Variants in SLMAP observed in about 807,000 individuals in gnomAD.
The protein encoded by SLMAP is sarcolemmal membrane-associated protein.
Under a neutral mutation model 128.8 loss-of-function variants are expected in SLMAP, and 44 were observed. The observed-to-expected ratio is 0.34, with a 90% CI of 0.27 to 0.44. SLMAP has a LOEUF of 0.44. SLMAP is among the 20% of genes least tolerant of loss of function. The probability of loss-of-function intolerance (pLI) is 1.00; values close to 1 mark genes in which losing one functional copy is unlikely to be tolerated. For missense variants in SLMAP, 787 were observed against 985.3 expected (o/e 0.80, Z 2.69); for synonymous variants, 327 against 348.8 (o/e 0.94, Z 0.70).
chr3:57,831,402 A>G lies in SLMAP; in HGVS notation c.218A>G (p.Lys73Arg). The G allele has an allele frequency of 6.4e-7, 1 of 1,553,056 alleles. No homozygotes were observed. The highest frequency in any genetic ancestry group is 8.7e-7 in the Non-Finnish European group (1 of 1,149,240). ...TTGCAGTTTTATCTTCAAGACACTAAAAGTAGTAATGGTACTTTTATAAAT... is the reference window on the plus strand; with the variant it reads ...TTGCAGTTTTATCTTCAAGACACTAGAAGTAGTAATGGTACTTTTATAAAT... Reference protein sequence around the residue: ...KTGKFYLQDTKSSNGTFINSQ... With the variant: ...KTGKFYLQDTRSSNGTFINSQ... Residue 73 changes from lysine (K) to arginine (R), a missense_variant, in exon 3 of 25, where the codon AAA becomes AGA. Transcript: ENST00000671191.
At chr3:57,867,736 A>T (rs1298943596) in intron 13 of SLMAP, among the ~76,000 whole-genome samples, 1 of 152,198 alleles carries the variant, frequency 6.6e-6, no homozygotes, top group East Asian at 1.9e-4. Flanking sequence ...TATAATTTTA[A>T]CTAAATTATT....
Position 57,757,249 on chromosome 3 carries a change from G to A in SLMAP, c.-403G>A. 1 of 282,336 alleles carries A rather than the reference G, an allele frequency of 3.5e-6. No individual in the cohort carries two copies. The highest frequency in any genetic ancestry group is 6.9e-6 in the Non-Finnish European group (1 of 145,086). The allele number at this position is 282,336 out of a possible 1,614,324, so 17.5% of individuals were successfully genotyped here. On this transcript the variant is annotated 5_prime_UTR_variant, in exon 2 of 25. Coordinates refer to ENST00000671191, the MANE Select transcript of SLMAP (RefSeq NM_001377540.1). ...GCTGCAACGTTTCCGCCACCAAGGG[G>A]GAAAAGCGGCCGCGATCTCAAACCA...
intron 21 of SLMAP, 122 bp from the exon 22 acceptor site, chr3:57,916,784 T>A: frequency 1.4e-6 from 1 of 726,740 alleles, no homozygotes; most frequent in Non-Finnish European, 2.2e-6. Context: ...TTCTTTTTTA[T>A]ACTTTTCTTT....
chr3:57,756,393 C>T (rs934619063), intron 1 of SLMAP, 51 bp downstream of exon 1: 4 of 152,834 alleles, frequency 2.6e-5, no homozygotes, highest in Admixed American at 1.3e-4. Context: ...GTCGTGGCGT[C>T]CTGGCTCCAA....
chr3:57,868,917 T>C (rs1241480902), intron 13 of SLMAP, among the ~76,000 whole-genome samples: 2 of 136,488 alleles, frequency 1.5e-5, no homozygotes, highest in East Asian at 3.9e-4. Flanking sequence ...GTGTGTATTA[T>C]ATATAATATA....
intron 2 of SLMAP, among the ~76,000 whole-genome samples, chr3:57,770,237 A>C (rs932218620): frequency 6.6e-6 from 1 of 152,232 alleles, no homozygotes; most frequent in African/African-American, 2.4e-5. Context: ...CAATAGTAGC[A>C]TCTGTGAATC....
intron 2 of SLMAP, among the ~76,000 whole-genome samples, chr3:57,798,194 TTTGTC>T (rs2087242733): frequency 2.0e-5 from 3 of 152,208 alleles, no homozygotes; most frequent in Non-Finnish European, 4.4e-5. Context: ...GTTTCTTAAA[TTTGTC>T]TGTCATTTGA....
chr3:57,896,081 T>G (rs2096239841), intron 15 of SLMAP, among the ~76,000 whole-genome samples: 1 of 152,188 alleles, frequency 6.6e-6, no homozygotes, highest in Non-Finnish European at 1.5e-5. Flanking sequence ...GTTTTATTAT[T>G]TGAGTACAAA....
intron 14 of SLMAP, among the ~76,000 whole-genome samples, chr3:57,886,645 A>G (rs2095896592): frequency 1.3e-5 from 2 of 151,132 alleles, no homozygotes; most frequent in Admixed American, 6.6e-5. Context: ...GATCTAATAT[A>G]TTAATAATGA....
chr3:57,828,274 A>T (rs2093068688), intron 2 of SLMAP, among the ~76,000 whole-genome samples: 1 of 152,184 alleles, frequency 6.6e-6, no homozygotes, highest in African/African-American at 2.4e-5. Flanking sequence ...TAACATTTTT[A>T]TACCTTAGAA....
At chr3:57,857,962 A>AT (rs1415251165) in intron 7 of SLMAP, 126 bp from the exon 8 acceptor site, 1 of 925,210 alleles carries the variant, frequency 1.1e-6, no homozygotes, top group Non-Finnish European at 1.7e-6. Context: ...AAGATTTAGC[A>AT]TTTTACAGTG....
At chr3:57,793,471 G>C (rs2085974057) in intron 2 of SLMAP, among the ~76,000 whole-genome samples, 1 of 152,166 alleles carries the variant, frequency 6.6e-6, no homozygotes, top group African/African-American at 2.4e-5. Context: ...GTATGGAGCT[G>C]ACATTCTAGT....
intron 2 of SLMAP, among the ~76,000 whole-genome samples, chr3:57,779,455 A>G (rs532501830): frequency 6.7e-6 from 1 of 149,818 alleles, no homozygotes; most frequent in African/African-American, 2.4e-5. Flanking sequence ...GCTGCAGTGA[A>G]TTGAGATCGC....
chr3:57,902,251 T>A (rs780347744), intron 17 of SLMAP: 3 of 152,180 alleles, frequency 2.0e-5, no homozygotes, highest in Admixed American at 6.5e-5. Context: ...ATTTTAGAGT[T>A]TTTTTATATT....
At chr3:57,907,779 T>C (rs1441285260) in intron 17 of SLMAP, 105 bp from the exon 18 acceptor site, 20 of 1,055,806 alleles carry the variant, frequency 1.9e-5, no homozygotes, top group Non-Finnish European at 2.7e-5. Context: ...TCAGTTGTTC[T>C]ATGTTGTTTA....
Position 57,917,038 on chromosome 3 carries a change from C to T in SLMAP, c.2271C>T (p.Leu757=), listed in dbSNP as rs746181949. ...ATTCAGCTGATTTAAAAACTCTTCTCAGTAAGGCAGAAAACCAAGCAAAGG... is the reference window on the plus strand; with the variant it reads ...ATTCAGCTGATTTAAAAACTCTTCTTAGTAAGGCAGAAAACCAAGCAAAGG... ...LRDSADLKTL[L]SKAENQAKDV... is the part of the protein sequence containing the mutation. Residue 757 remains leucine (L), a synonymous_variant, in exon 22 of 25, where the codon CTC becomes CTT. Coordinates refer to ENST00000671191, the MANE Select transcript of SLMAP (RefSeq NM_001377540.1). 5.0e-6 allele frequency: 8 copies of T among 1,613,882 alleles called. No individual in the cohort carries two copies. The highest frequency in any genetic ancestry group is 1.7e-4 in the Middle Eastern group (1 of 6,056).
intron 6 of SLMAP, among the ~76,000 whole-genome samples, chr3:57,852,015 A>G (rs187786542): frequency 6.1e-4 from 93 of 151,694 alleles, no homozygotes; most frequent in African/African-American, 2.1e-3. Flanking sequence ...GGTTCAAGCG[A>G]TTCTCCTGCC....
chr3:57,886,208 A>G (rs2095883073), intron 14 of SLMAP, among the ~76,000 whole-genome samples: 1 of 151,376 alleles, frequency 6.6e-6, no homozygotes, highest in Non-Finnish European at 1.5e-5. Flanking sequence ...GGTTGAAGCA[A>G]TTCTCCTGCC....
intron 2 of SLMAP, among the ~76,000 whole-genome samples, chr3:57,784,699 G>A (rs1271400039): frequency 1.3e-5 from 2 of 152,190 alleles, no homozygotes; most frequent in Non-Finnish European, 2.9e-5. Context: ...AGAAGGACAT[G>A]AATTTTGGGG....
Sources: gnomAD v4.1 joint callset for allele counts (sites outside exome capture counted in the v4.1 genomes callset) on GRCh38, gnomAD v4.1.1 for gene constraint, MANE v1.5 for transcripts, NCBI Gene and HGNC (gene_info 2026-07-23, HGNC 2026-07-21) for gene names.